NEGR1: variants seen among roughly 807,000 people sequenced by gnomAD.
NEGR1 encodes IgLON family member 4.
Under a neutral mutation model 40.9 loss-of-function variants are expected in NEGR1, and 10 were observed. The observed-to-expected ratio is 0.24, with a 90% CI of 0.15 to 0.42. The LOEUF is 0.42. Among genes scored for constraint, NEGR1 ranks in the 10% least tolerant of loss-of-function variants. The pLI is 1.00. For missense variants in NEGR1, 352 were observed against 438.9 expected, an observed-to-expected ratio of 0.80 and a Z score of 1.77; for synonymous variants, 185 against 166.8, an observed-to-expected ratio of 1.11 and a Z score of -0.84.
chr1:71,685,653 G>A (rs995299479), intron 4 of NEGR1, among the ~76,000 whole-genome samples: 5 of 152,204 alleles, frequency 3.3e-5, no homozygotes, highest in Middle Eastern at 6.8e-3. Flanking sequence ...AGATAACATA[G>A]AGCGTGCTTT....
intron 1 of NEGR1, among the ~76,000 whole-genome samples, chr1:72,041,400 C>T (rs1362610927): frequency 6.1e-5 from 9 of 146,874 alleles, no homozygotes; most frequent in African/African-American, 2.2e-4. Context: ...AATATTATTC[C>T]TAATTCATTC....
At chr1:72,080,271 G>A (rs1647939371) in intron 1 of NEGR1, among the ~76,000 whole-genome samples, 1 of 151,626 alleles carries the variant, frequency 6.6e-6, no homozygotes, top group African/African-American at 2.4e-5. Flanking sequence ...ATCTTTATAG[G>A]CTTATAGTAT....
intron 6 of NEGR1, among the ~76,000 whole-genome samples, chr1:71,569,709 T>G (rs2101491239): frequency 6.6e-6 from 1 of 152,302 alleles, no homozygotes; most frequent in Middle Eastern, 3.4e-3. Flanking sequence ...TTTTATTTGG[T>G]TTACTTCAGG....
In NEGR1 at chr1:71,435,113, A is replaced by AC. The variant is rs1490472806; in HGVS notation, c.941-27544_941-27543insG. Among the ~76,000 whole-genome samples, 390 of 145,780 alleles carry AC rather than the reference A, an allele frequency of 2.7e-3. 1 individual carries two copies. Among genetic ancestry groups the AC allele is most frequent in the South Asian group, 4.5e-3 (19 of 4,240 alleles). On this transcript the variant is annotated intron_variant, in intron 6 of 6. Transcript: ENST00000357731. Reference sequence around the variant, plus strand: ...CTCAAACAAACAAACAAACAAACAAAAAAAAAAAAAAAAGAGGGAATTATT... The same window carrying AC: ...CTCAAACAAACAAACAAACAAACAAACAAAAAAAAAAAAAGAGGGAATTATT...
intron 4 of NEGR1, among the ~76,000 whole-genome samples, chr1:71,648,589 G>A (rs955595957): frequency 2.6e-5 from 4 of 151,960 alleles, no homozygotes; most frequent in Non-Finnish European, 5.9e-5. Context: ...CGAACAAGAT[G>A]AGACCCTAGG....
At chr1:72,265,803 T>A (rs1399361812) in intron 1 of NEGR1, among the ~76,000 whole-genome samples, 1 of 150,844 alleles carries the variant, frequency 6.6e-6, no homozygotes, top group Non-Finnish European at 1.5e-5. Context: ...ATCATTATCA[T>A]AACAGAATAT....
intron 1 of NEGR1, among the ~76,000 whole-genome samples, chr1:72,154,396 C>G (rs1314800513): frequency 1.3e-5 from 2 of 151,896 alleles, no homozygotes; most frequent in Non-Finnish European, 2.9e-5. Context: ...TTCTCAGAAC[C>G]TCTTCCAAAA....
intron 1 of NEGR1, among the ~76,000 whole-genome samples, chr1:71,990,769 C>T (rs1003577195): frequency 4.6e-5 from 7 of 151,960 alleles, no homozygotes; most frequent in Non-Finnish European, 8.8e-5. Flanking sequence ...TAATTTTCAT[C>T]AAAACTTTAC....
intron 1 of NEGR1, among the ~76,000 whole-genome samples, chr1:71,946,846 T>C (rs10157310): frequency 0.036 from 5,540 of 151,864 alleles, 332 homozygotes; most frequent in African/African-American, 0.13. Context: ...GTCCAGCACT[T>C]TGGAAGGCTG....
At chr1:71,965,280 A>G (rs1173907002) in intron 1 of NEGR1, among the ~76,000 whole-genome samples, 1 of 152,168 alleles carries the variant, frequency 6.6e-6, no homozygotes, top group African/African-American at 2.4e-5. Flanking sequence ...CAGGGAATAA[A>G]ACCTGAAAAC....
intron 2 of NEGR1, among the ~76,000 whole-genome samples, chr1:71,799,624 C>T (rs543835745): frequency 1.3e-5 from 2 of 152,138 alleles, no homozygotes; most frequent in East Asian, 3.9e-4. Flanking sequence ...TGCCACACTG[C>T]CTTCCACAAT....
chr1:72,250,478 GAACA>G (rs1439274688), intron 1 of NEGR1, among the ~76,000 whole-genome samples: 3 of 152,146 alleles, frequency 2.0e-5, no homozygotes, highest in South Asian at 2.1e-4. Context: ...GTTTAACTAG[GAACA>G]AACAATGAAA....
At chr1:71,675,508 T>A (rs1369810290) in intron 4 of NEGR1, among the ~76,000 whole-genome samples, 2 of 151,636 alleles carry the variant, frequency 1.3e-5, no homozygotes, top group African/African-American at 2.4e-5. Flanking sequence ...TCACTCTCTC[T>A]CTCTCTTTAT....
At chr1:71,752,777 A>G (rs1655613619) in intron 3 of NEGR1, among the ~76,000 whole-genome samples, 1 of 151,640 alleles carries the variant, frequency 6.6e-6, no homozygotes, top group South Asian at 2.1e-4. Flanking sequence ...CTGATAAGAG[A>G]TTATTCAGTC....
At chr1:71,631,873 G>A (rs983637985) in intron 4 of NEGR1, among the ~76,000 whole-genome samples, 2 of 151,726 alleles carry the variant, frequency 1.3e-5, no homozygotes, top group Non-Finnish European at 3.0e-5. Context: ...AAATATGCAC[G>A]TTCATACAGT....
intron 1 of NEGR1, among the ~76,000 whole-genome samples, chr1:72,000,117 T>C (rs1646544796): frequency 6.6e-6 from 1 of 152,044 alleles, no homozygotes; most frequent in Admixed American, 6.6e-5. Context: ...CTCCAACTTA[T>C]TCTGAAAACT....
chr1:72,130,512 A>G (rs1650204166), intron 1 of NEGR1, among the ~76,000 whole-genome samples: 1 of 152,162 alleles, frequency 6.6e-6, no homozygotes, highest in Non-Finnish European at 1.5e-5. Context: ...AAATGCTTTA[A>G]ACTGATGAAC....
intron 1 of NEGR1, among the ~76,000 whole-genome samples, chr1:72,071,642 C>A (rs1465687921): frequency 6.6e-6 from 1 of 152,044 alleles, no homozygotes; most frequent in Non-Finnish European, 1.5e-5. Flanking sequence ...GACCTTAGTG[C>A]CAGTGTGGAA....
intron 2 of NEGR1, among the ~76,000 whole-genome samples, chr1:71,902,142 A>C (rs761448479): frequency 6.6e-6 from 1 of 152,220 alleles, no homozygotes; most frequent in Non-Finnish European, 1.5e-5. Flanking sequence ...ACAGACTTAG[A>C]AATTGAAAGA....
Sources: allele counts gnomAD v4.1 joint callset (sites outside exome capture counted in the v4.1 genomes callset), GRCh38; gene constraint gnomAD v4.1.1; transcripts MANE v1.5; gene names NCBI Gene and HGNC (gene_info 2026-07-23, HGNC 2026-07-21).